The following SPECC1 variants were observed in gnomAD, a reference collection of about 807,000 sequenced individuals.
SPECC1 encodes the protein sperm antigen with calponin homology and coiled-coil domains 1.
SPECC1 carries 62 observed loss-of-function variants against 104.1 expected under a neutral mutation model. That is an observed-to-expected ratio of 0.60 (90% CI 0.49 to 0.74). The LOEUF is 0.74. SPECC1 is among the 30% of genes least tolerant of loss of function. SPECC1 has a pLI of 0.00. For synonymous variants in SPECC1, 513 were observed against 501.6 expected, an observed-to-expected ratio of 1.02 and a Z score of -0.30; for missense variants, 1,306 against 1,310.5, an observed-to-expected ratio of 1.00 and a Z score of 0.05.
chr17:20,084,048 T>G (rs2047082449), intron 1 of SPECC1, among the ~76,000 whole-genome samples: 1 of 152,256 alleles, frequency 6.6e-6, no homozygotes, highest in Admixed American at 6.5e-5. Context: ...GAAGTTTTTA[T>G]TTAAATATTT....
At chr17:20,083,004 TCATTCATC>T (rs979397169) in intron 1 of SPECC1, among the ~76,000 whole-genome samples, 44 of 146,232 alleles carry the variant, frequency 3.0e-4, no homozygotes, top group African/African-American at 1.0e-3. Context: ...GTTCGTTCGT[TCATTCATC>T]CATCTAAAAA....
Position 20,247,263 on chromosome 17 carries a change from C to A in SPECC1, c.2542C>A (p.Pro848Thr). The change falls in exon 9 of 15, where the codon CCC (proline) becomes ACC (threonine). Residue 848 changes from proline to threonine, a missense_variant. Coordinates refer to ENST00000395527, the MANE Select transcript of SPECC1 (RefSeq NM_001243439.2). ...TTCTGTCCATAAGACCCCCAGAAGT[C>A]CCCTAAGTGGGATACCAGTGAGGAC... ...NISVHKTPRS[P>T]LSGIPVRTAP... 2.5e-6 allele frequency: 4 copies of A among 1,613,708 alleles called. No homozygotes were observed. Among genetic ancestry groups the A allele is most frequent in the Non-Finnish European group, 3.4e-6 (4 of 1,179,826 alleles).
At chr17:20,239,264 A>T (rs1279594179) in intron 7 of SPECC1, 65 of 1,013,314 alleles carry the variant, frequency 6.4e-5, no homozygotes, top group Non-Finnish European at 7.7e-5. Context: ...TAGGTATACT[A>T]ATAACAAAAT....
At chr17:20,263,461 A>G (rs2040104758) in intron 12 of SPECC1, among the ~76,000 whole-genome samples, 1 of 151,502 alleles carries the variant, frequency 6.6e-6, no homozygotes, top group Non-Finnish European at 1.5e-5. Flanking sequence ...TGGCACATAT[A>G]TACATATGTA....
At chr17:20,062,769 A>C (rs1597635260) in intron 1 of SPECC1, among the ~76,000 whole-genome samples, 1 of 150,426 alleles carries the variant, frequency 6.6e-6, no homozygotes, top group Non-Finnish European at 1.5e-5. Flanking sequence ...GCTCACTGCA[A>C]CCTCTGCCAC....
At chr17:20,208,559 A>G (rs972710715) in intron 4 of SPECC1, among the ~76,000 whole-genome samples, 3 of 152,232 alleles carry the variant, frequency 2.0e-5, no homozygotes, top group African/African-American at 7.2e-5. Context: ...GCACAAAACT[A>G]TGATGAAGGG....
intron 1 of SPECC1, among the ~76,000 whole-genome samples, chr17:20,071,836 C>T (rs115855411): frequency 0.012 from 1,885 of 152,274 alleles, 42 homozygotes; most frequent in African/African-American, 0.043. Context: ...GAGAGATAAG[C>T]ACTGTTAACA....
intron 12 of SPECC1, among the ~76,000 whole-genome samples, chr17:20,267,949 T>A (rs2040272332): frequency 6.6e-6 from 1 of 152,188 alleles, no homozygotes; most frequent in Non-Finnish European, 1.5e-5. Flanking sequence ...AATTCAGCTC[T>A]AAGTCTCTCC....
At chr17:20,260,535 C>T (rs938702504) in intron 12 of SPECC1, among the ~76,000 whole-genome samples, 2 of 152,230 alleles carry the variant, frequency 1.3e-5, no homozygotes, top group African/African-American at 2.4e-5. Context: ...TATGGCTGCA[C>T]GCAGAGCTGC....
intron 3 of SPECC1, among the ~76,000 whole-genome samples, chr17:20,197,413 T>G (rs994883674): frequency 1.3e-5 from 2 of 152,138 alleles, no homozygotes; most frequent in Non-Finnish European, 2.9e-5. Flanking sequence ...CACACAGATA[T>G]TAAACCAGAA....
intron 3 of SPECC1, among the ~76,000 whole-genome samples, chr17:20,116,804 T>C (rs1260561187): frequency 5.8e-5 from 3 of 52,002 alleles, no homozygotes; most frequent in African/African-American, 3.0e-4. Context: ...GTCTGGAGAC[T>C]TTTTTTTTTT....
At chr17:20,073,111 C>G (rs1050519427) in intron 1 of SPECC1, among the ~76,000 whole-genome samples, 1 of 152,018 alleles carries the variant, frequency 6.6e-6, no homozygotes, top group South Asian at 2.1e-4. Flanking sequence ...TTATTGGAGC[C>G]TAGGAGTTTC....
intron 4 of SPECC1, among the ~76,000 whole-genome samples, chr17:20,208,507 A>G (rs1440689504): frequency 6.6e-6 from 1 of 152,246 alleles, no homozygotes; most frequent in Non-Finnish European, 1.5e-5. Context: ...AAATGATAAT[A>G]CTTAAGAGAC....
In SPECC1 at chr17:20,204,778, A is replaced by G; in HGVS notation, c.729A>G (p.Leu243=). ...ACTTTCAGAAAGAGCTTTCCGATCT[A>G]GAGGAAGAAAACCGGGTCCTGAAGG... ...NKNFQKELSD[L]EEENRVLKEK... Residue 243 remains leucine (L), a synonymous_variant, in exon 4 of 15, where the codon CTA becomes CTG. Transcript: ENST00000395527. 1 of 1,614,128 alleles carries G rather than the reference A, an allele frequency of 6.2e-7. No homozygotes were observed. The highest frequency in any genetic ancestry group is 8.5e-7 in the Non-Finnish European group (1 of 1,180,028).
At chr17:20,250,296 C>G (rs1443014698) in intron 9 of SPECC1, among the ~76,000 whole-genome samples, 1 of 152,150 alleles carries the variant, frequency 6.6e-6, no homozygotes, top group South Asian at 2.1e-4. Context: ...TCCTAGGATA[C>G]TTGCAGTGAA....
intron 1 of SPECC1, among the ~76,000 whole-genome samples, chr17:20,021,674 TAATATAATAATATATA>T (rs1270368499): frequency 7.1e-6 from 1 of 141,824 alleles, no homozygotes; most frequent in East Asian, 2.1e-4. Context: ...TATATATATA[TAATATAATAATATATA>T]TATATATATA....
chr17:20,034,866 A>G (rs2044997910), intron 1 of SPECC1, among the ~76,000 whole-genome samples: 1 of 152,086 alleles, frequency 6.6e-6, no homozygotes, highest in Non-Finnish European at 1.5e-5. Flanking sequence ...TGGCCTCCCA[A>G]AGTGCTGGGA....
Position 20,231,730 on chromosome 17 carries a change from A to G in SPECC1, c.2072-28A>G, listed in dbSNP as rs200360649. ...CTCTTAAGAGTCTCACAGCTTTTCT[A>G]AGCCCTGTCTGAATTATTTATTTCT... On this transcript the variant is annotated intron_variant, in intron 5 of 14. Coordinates refer to ENST00000395527, the MANE Select transcript of SPECC1 (RefSeq NM_001243439.2). 231 of 1,609,992 alleles carry G rather than the reference A, an allele frequency of 1.4e-4. 6 individuals carry two copies. The South Asian group carries it at 1.5e-3, about 10-fold the overall frequency.
chr17:20,105,903 G>A (rs894965151), intron 2 of SPECC1, among the ~76,000 whole-genome samples: 2 of 152,292 alleles, frequency 1.3e-5, no homozygotes, highest in Non-Finnish European at 1.5e-5. Context: ...ATCTCCGAGG[G>A]GGTTTCACTT....
Sources: gnomAD v4.1 joint callset for allele counts (sites outside exome capture counted in the v4.1 genomes callset) on GRCh38, gnomAD v4.1.1 for gene constraint, MANE v1.5 for transcripts, NCBI Gene and HGNC (gene_info 2026-07-23, HGNC 2026-07-21) for gene names.